The following NCAM2 variants were observed in gnomAD, a reference collection of about 807,000 sequenced individuals.
The protein encoded by NCAM2 is N-CAM-2.
NCAM2 carries 30 observed loss-of-function variants against 98.1 expected under a neutral mutation model. The ratio of observed to expected loss-of-function variants is 0.31; its 90% CI spans 0.23 to 0.41. NCAM2 has a LOEUF of 0.41. Among genes scored for constraint, NCAM2 ranks in the 10% least tolerant of loss-of-function variants. NCAM2 has a pLI of 1.00. For synonymous variants in NCAM2, 368 were observed against 342.4 expected (o/e 1.07, Z -0.83); for missense variants, 867 against 1,005.8 (o/e 0.86, Z 1.87).
chr21:21,297,546 C>G (rs1601900060), intron 5 of NCAM2, among the ~76,000 whole-genome samples: 1 of 151,570 alleles, frequency 6.6e-6, no homozygotes, highest in Non-Finnish European at 1.5e-5. Context: ...GATTGGCTAC[C>G]TTTTCCATAA....
intron 1 of NCAM2, among the ~76,000 whole-genome samples, chr21:21,162,841 A>G (rs1167395677): frequency 1.3e-5 from 2 of 152,136 alleles, no homozygotes; most frequent in African/African-American, 4.8e-5. Context: ...CACTGATCCG[A>G]AATATATCCG....
chr21:21,076,439 CT>C (rs1191949206), intron 1 of NCAM2, among the ~76,000 whole-genome samples: 2 of 152,020 alleles, frequency 1.3e-5, no homozygotes, highest in Admixed American at 1.3e-4. Context: ...TAACTATGTT[CT>C]TTTGTGCACA....
intron 1 of NCAM2, among the ~76,000 whole-genome samples, chr21:21,047,572 C>T (rs924079207): frequency 6.6e-6 from 1 of 152,102 alleles, no homozygotes; most frequent in African/African-American, 2.4e-5. Context: ...TGGAAGCTTG[C>T]ATTAAAACTT....
At chr21:21,439,420 C>T (rs771829017) in intron 12 of NCAM2, among the ~76,000 whole-genome samples, 11 of 152,140 alleles carry the variant, frequency 7.2e-5, no homozygotes, top group Admixed American at 1.3e-4. Flanking sequence ...TGAGCCACTG[C>T]GCCCGGCCTT....
chr21:21,120,091 C>T (rs375831476), intron 1 of NCAM2, among the ~76,000 whole-genome samples: 8 of 152,188 alleles, frequency 5.3e-5, no homozygotes, highest in South Asian at 2.1e-4. Flanking sequence ...CTGCTTATTT[C>T]GTTGGAAAGG....
chr21:21,081,680 A>T (rs1347346746), intron 1 of NCAM2, among the ~76,000 whole-genome samples: 1 of 151,936 alleles, frequency 6.6e-6, no homozygotes, highest in Admixed American at 6.6e-5. Context: ...GCGTGCCTGT[A>T]ATCTCAGTTA....
intron 1 of NCAM2, among the ~76,000 whole-genome samples, chr21:21,067,655 T>C (rs1292991556): frequency 6.6e-6 from 1 of 152,176 alleles, no homozygotes; most frequent in Non-Finnish European, 1.5e-5. Context: ...TCTAACATAA[T>C]CATTCTACTT....
intron 1 of NCAM2, among the ~76,000 whole-genome samples, chr21:21,039,740 G>A (rs538062887): frequency 6.6e-5 from 10 of 152,180 alleles, no homozygotes; most frequent in South Asian, 2.1e-4. Flanking sequence ...CTTTTTTGCC[G>A]TAGACATATG....
chr21:21,195,388 A>G (rs1006810445), intron 1 of NCAM2, among the ~76,000 whole-genome samples: 1 of 152,214 alleles, frequency 6.6e-6, no homozygotes, highest in African/African-American at 2.4e-5. Flanking sequence ...AGACCTAAAC[A>G]GAAGTACATG....
chr21:21,468,502 G>A (rs951585671), intron 13 of NCAM2, among the ~76,000 whole-genome samples, 160 bp from the exon 14 acceptor site: 3 of 151,950 alleles, frequency 2.0e-5, no homozygotes, highest in Non-Finnish European at 4.4e-5. Flanking sequence ...CTTGGATGGG[G>A]AAAATGTTCA....
intron 1 of NCAM2, among the ~76,000 whole-genome samples, chr21:21,120,501 G>A (rs956374919): frequency 2.6e-5 from 4 of 151,990 alleles, no homozygotes; most frequent in Non-Finnish European, 5.9e-5. Context: ...ACTGATACTG[G>A]CAGCATGGGG....
intron 1 of NCAM2, among the ~76,000 whole-genome samples, chr21:21,007,172 A>G (rs1218926132): frequency 1.3e-5 from 2 of 152,216 alleles, no homozygotes; most frequent in African/African-American, 4.8e-5. Context: ...AACCTATAGT[A>G]TAATATGAAT....
chr21:21,345,497 A>G (rs1316810433), intron 8 of NCAM2, among the ~76,000 whole-genome samples: 1 of 152,098 alleles, frequency 6.6e-6, no homozygotes, highest in Admixed American at 6.6e-5. Context: ...TGAAGAATGC[A>G]TTAGAGTCCT....
At chr21:21,157,894 A>G (rs2067663395) in intron 1 of NCAM2, among the ~76,000 whole-genome samples, 1 of 152,196 alleles carries the variant, frequency 6.6e-6, no homozygotes, top group South Asian at 2.1e-4. Context: ...TCAGAAATGT[A>G]GAGCCTAGTT....
At chr21:21,387,221 C>CACACACACAG (rs1332421959) in intron 9 of NCAM2, among the ~76,000 whole-genome samples, 1 of 146,726 alleles carries the variant, frequency 6.8e-6, no homozygotes, top group Non-Finnish European at 1.5e-5. Flanking sequence ...CACACACACA[C>CACACACACAG]ACAAATCTGG....
chr21:21,272,497 T>TGCGCGCGC (rs201869091), intron 1 of NCAM2, among the ~76,000 whole-genome samples: 76 of 145,528 alleles, frequency 5.2e-4, no homozygotes, highest in African/African-American at 1.1e-3. Flanking sequence ...TACACACACA[T>TGCGCGCGC]GCGCGCGCGC....
intron 12 of NCAM2, among the ~76,000 whole-genome samples, chr21:21,442,065 A>G (rs768876017): frequency 2.6e-5 from 4 of 152,196 alleles, no homozygotes; most frequent in Non-Finnish European, 5.9e-5. Context: ...AAGCACTGAT[A>G]TAACACATTG....
At chr21:21,431,013 A>G (rs960956745) in intron 11 of NCAM2, among the ~76,000 whole-genome samples, 6 of 137,284 alleles carry the variant, frequency 4.4e-5, no homozygotes, top group African/African-American at 1.7e-4. Context: ...ACGCCACTGC[A>G]CTCCAGCCTG....
At chr21:21,294,378 G>T (rs893245942) in intron 5 of NCAM2, among the ~76,000 whole-genome samples, 1 of 151,850 alleles carries the variant, frequency 6.6e-6, no homozygotes, top group South Asian at 2.1e-4. Flanking sequence ...ACAAATATAG[G>T]AATATGTTTT....
Sources: gnomAD v4.1 joint callset for allele counts (sites outside exome capture counted in the v4.1 genomes callset) on GRCh38, gnomAD v4.1.1 for gene constraint, MANE v1.5 for transcripts, NCBI Gene and HGNC (gene_info 2026-07-23, HGNC 2026-07-21) for gene names.